TRPS1: variants seen among roughly 807,000 people sequenced by gnomAD.
TRPS1 encodes zinc finger transcription factor Trps1.
A neutral mutation model predicts 101.2 loss-of-function variants in TRPS1; 6 were observed. That is an observed-to-expected ratio of 0.06 (90% CI 0.03 to 0.12). The LOEUF is 0.12. Among genes scored for constraint, TRPS1 ranks in the 10% least tolerant of loss-of-function variants. The pLI is 1.00. For synonymous variants in TRPS1, 578 were observed against 589.8 expected, an observed-to-expected ratio of 0.98 and a Z score of 0.29; for missense variants, 1,363 against 1,567.0, an observed-to-expected ratio of 0.87 and a Z score of 2.20.
chr8:115,477,075 A>G (rs1349182708), intron 5 of TRPS1, among the ~76,000 whole-genome samples: 1 of 152,168 alleles, frequency 6.6e-6, no homozygotes, highest in Non-Finnish European at 1.5e-5. Context: ...CTTCATCCAC[A>G]TCCTATCATT....
Position 115,619,444 on chromosome 8 carries a change from C to T in TRPS1, c.654G>A (p.Leu218=), listed in dbSNP as rs886228404. The T allele has an allele frequency of 3.7e-6, 6 of 1,614,094 alleles. No homozygotes were observed. Among genetic ancestry groups the T allele is most frequent in the Non-Finnish European group, 5.1e-6 (6 of 1,180,050 alleles). The change falls in exon 3 of 7, where the codon CTG becomes CTA. Residue 218 remains leucine, a synonymous_variant. Coordinates refer to ENST00000395715, the MANE Select transcript of TRPS1 (RefSeq NM_014112.5). Reference sequence around the variant, plus strand: ...GTGCCGGGTCTGGGTTGTCATTCACCAGTAAGTCAGTTTTGGATTTATTCA... The same window carrying T: ...GTGCCGGGTCTGGGTTGTCATTCACTAGTAAGTCAGTTTTGGATTTATTCA... ...VRLNKSKTDL[L]VNDNPDPAPL... is the part of the protein sequence containing the mutation.
At chr8:115,477,106 A>T (rs1053634582) in intron 5 of TRPS1, among the ~76,000 whole-genome samples, 1 of 152,200 alleles carries the variant, frequency 6.6e-6, no homozygotes, top group Non-Finnish European at 1.5e-5. Context: ...GGAATAAAAA[A>T]ATTTGAAACA....
chr8:115,630,289 A>C (rs1818610268), intron 1 of TRPS1, among the ~76,000 whole-genome samples: 1 of 151,904 alleles, frequency 6.6e-6, no homozygotes, highest in African/African-American at 2.4e-5. Flanking sequence ...CTCACTTGTT[A>C]AGTATTTTGT....
chr8:115,572,281 A>G (rs1159914965), intron 5 of TRPS1, among the ~76,000 whole-genome samples: 1 of 152,096 alleles, frequency 6.6e-6, no homozygotes, highest in African/African-American at 2.4e-5. Context: ...TGGAGTGAAA[A>G]GTTCAACTTC....
At chr8:115,503,192 T>G (rs1815360334) in intron 5 of TRPS1, among the ~76,000 whole-genome samples, 1 of 149,566 alleles carries the variant, frequency 6.7e-6, no homozygotes, top group Admixed American at 6.7e-5. Flanking sequence ...AGGCAGAGCT[T>G]GCAGTGAGCC....
At chr8:115,435,375 G>A (rs897862584) in intron 5 of TRPS1, among the ~76,000 whole-genome samples, 2 of 152,180 alleles carry the variant, frequency 1.3e-5, no homozygotes, top group Admixed American at 1.3e-4. Context: ...TATGGCATGA[G>A]TGACTGATCG....
rs1341157528 is a variant in TRPS1, at chr8:115,410,175, T to G, written c.*3848A>C. The G allele has an allele frequency of 6.6e-6, 1 of 152,128 alleles. No individual in the cohort carries two copies. The highest frequency in any genetic ancestry group is 1.5e-5 in the Non-Finnish European group (1 of 67,990). The allele number at this position is 152,128 out of a possible 1,614,324, so 9.4% of individuals were successfully genotyped here. On this transcript the variant is annotated 3_prime_UTR_variant, in exon 7 of 7. Coordinates refer to ENST00000395715, the MANE Select transcript of TRPS1 (RefSeq NM_014112.5). ...CAGCCACACAACAGGAGGCTAATAA[T>G]TATTTTAATAGCCATACTGAGACTC...
Position 115,499,780 on chromosome 8 carries a change from A to G in TRPS1, c.2701-81328T>C, listed in dbSNP as rs1670329806. 2.0e-5 allele frequency among the ~76,000 whole-genome samples: 3 copies of G among 152,162 alleles called. No individual in the cohort carries two copies. The South Asian group carries it at 6.2e-4, about 32-fold the overall frequency. ...TAATAAACAGAGATTAAGAGGAATT[A>G]CTGGATTTGTTTGCTGTGTCTAAGC... is the stretch of plus-strand genomic sequence containing the variant. On this transcript the variant is annotated intron_variant, in intron 5 of 6. Transcript: ENST00000395715.
At chr8:115,498,411 CTCTCTATATATATATATATATA>C (rs1309742877) in intron 5 of TRPS1, among the ~76,000 whole-genome samples, 4 of 72,700 alleles carry the variant, frequency 5.5e-5, no homozygotes, top group East Asian at 3.8e-4. Flanking sequence ...CTCTCTCTCT[CTCTCTATATATATATATATATA>C]TATATATATA....
At chr8:115,570,439 C>T (rs923049530) in intron 5 of TRPS1, among the ~76,000 whole-genome samples, 1 of 151,864 alleles carries the variant, frequency 6.6e-6, no homozygotes, top group East Asian at 1.9e-4. Flanking sequence ...TAATTCTATT[C>T]CATTAAAGAT....
At chr8:115,577,308 G>C (rs1053509059) in intron 5 of TRPS1, among the ~76,000 whole-genome samples, 31 of 151,946 alleles carry the variant, frequency 2.0e-4, no homozygotes, top group Non-Finnish European at 3.5e-4. Flanking sequence ...TAACTTGTTT[G>C]TCTTAAACAT....
At chr8:115,439,888 G>C (rs1313312060) in intron 5 of TRPS1, among the ~76,000 whole-genome samples, 1 of 152,162 alleles carries the variant, frequency 6.6e-6, no homozygotes, top group Non-Finnish European at 1.5e-5. Flanking sequence ...GACAGCAACA[G>C]CTGTTTTCTG....
chr8:115,541,009 T>C (rs1451255864), intron 5 of TRPS1, among the ~76,000 whole-genome samples: 2 of 152,124 alleles, frequency 1.3e-5, no homozygotes, highest in Non-Finnish European at 2.9e-5. Context: ...GAACTTCCTT[T>C]TCATTCTCAG....
intron 5 of TRPS1, among the ~76,000 whole-genome samples, chr8:115,468,957 T>C (rs535097642): frequency 2.6e-5 from 4 of 151,998 alleles, no homozygotes; most frequent in East Asian, 3.9e-4. Flanking sequence ...CTGGGCAACA[T>C]AGATAAACCC....
chr8:115,604,957 C>T lies in TRPS1; in HGVS notation c.1012G>A (p.Asp338Asn), dbSNP rs1253597436. The T allele has an allele frequency of 6.2e-7, 1 of 1,613,838 alleles. No individual in the cohort carries two copies. The highest frequency in any genetic ancestry group is 8.5e-7 in the Non-Finnish European group (1 of 1,179,940). Residue 338 changes from aspartate (D) to asparagine (N), a missense_variant, in exon 4 of 7, where the codon GAT (aspartate) becomes AAT (asparagine). This residue lies in a region of TRPS1 where 1,020 missense variants were observed against 1,073.0 expected (regional missense o/e 0.95). Transcript: ENST00000395715. This position sits in a 1 kb window ranked among gnomAD's most constrained non-coding sequence, Gnocchi z 4.1. Reference protein sequence around the residue: ...TFIGIGRKTPDCQGNTKYFRC... With the variant: ...TFIGIGRKTPNCQGNTKYFRC... ...AAATACTTGGTGTTCCCTTGGCAATCTGGTGTTTTCCGTCCAATGCCAATG... is the reference window on the plus strand; with the variant it reads ...AAATACTTGGTGTTCCCTTGGCAATTTGGTGTTTTCCGTCCAATGCCAATG...
chr8:115,425,877 A>G (rs1370482758), intron 5 of TRPS1, among the ~76,000 whole-genome samples: 1 of 152,250 alleles, frequency 6.6e-6, no homozygotes, highest in African/African-American at 2.4e-5. Flanking sequence ...ATGAAATTAC[A>G]TAATAGAATC....
intron 5 of TRPS1, among the ~76,000 whole-genome samples, chr8:115,499,299 A>T (rs1237438839): frequency 6.6e-6 from 1 of 152,210 alleles, no homozygotes; most frequent in African/African-American, 2.4e-5. Context: ...TGATATATGC[A>T]CATTATGGAT....
chr8:115,472,414 C>A (rs2130021136), intron 5 of TRPS1, among the ~76,000 whole-genome samples: 1 of 152,284 alleles, frequency 6.6e-6, no homozygotes, highest in East Asian at 1.9e-4. Flanking sequence ...AGCAGCAAGG[C>A]CCTGGGTCCA....
At chr8:115,549,478 G>A (rs369973649) in intron 5 of TRPS1, among the ~76,000 whole-genome samples, 1 of 152,076 alleles carries the variant, frequency 6.6e-6, no homozygotes, top group Non-Finnish European at 1.5e-5. Flanking sequence ...TGGTAAGAAT[G>A]TTCTCATATA....
Sources: gnomAD v4.1 joint callset for allele counts (sites outside exome capture counted in the v4.1 genomes callset) on GRCh38, gnomAD v4.1.1 for gene constraint, gnomAD v4.1.1 regional missense constraint, Gnocchi (gnomAD v3.1) non-coding constraint, MANE v1.5 for transcripts, NCBI Gene and HGNC (gene_info 2026-07-23, HGNC 2026-07-21) for gene names.